THSD4: variants seen among roughly 807,000 people sequenced by gnomAD.
THSD4 encodes thrombospondin type 1 domain containing 4, also known as thrombospondin type-1 domain-containing protein 4.
A neutral mutation model predicts 119.0 loss-of-function variants in THSD4; 69 were observed. The observed-to-expected ratio is 0.58, with a 90% CI of 0.48 to 0.71. The LOEUF (loss-of-function observed/expected upper bound fraction) is 0.71, where lower values mean the gene tolerates loss of function less well. Among genes scored for constraint, THSD4 ranks in the 30% least tolerant of loss-of-function variants. The pLI is 0.00. For missense variants in THSD4, 1,393 were observed against 1,391.1 expected (o/e 1.00, Z -0.02); for synonymous variants, 524 against 540.4 (o/e 0.97, Z 0.42).
At chr15:71,200,965 G>A (rs1317213636) in intron 3 of THSD4, among the ~76,000 whole-genome samples, 1 of 152,150 alleles carries the variant, frequency 6.6e-6, no homozygotes, top group Non-Finnish European at 1.5e-5. Context: ...TGGTGGCTGT[G>A]CTCACTTATA....
chr15:71,483,916 A>G (rs1374650541), intron 7 of THSD4, among the ~76,000 whole-genome samples: 1 of 152,180 alleles, frequency 6.6e-6, no homozygotes, highest in Non-Finnish European at 1.5e-5. Flanking sequence ...GTCCCTGTAA[A>G]GGACACGATC....
intron 7 of THSD4, among the ~76,000 whole-genome samples, chr15:71,633,915 G>A (rs1827319): frequency 7.5e-4 from 114 of 152,270 alleles, no homozygotes; most frequent in African/African-American, 2.7e-3. Flanking sequence ...GGCTGGGCAC[G>A]GTGGCTCATG....
chr15:71,638,132 G>A (rs1280139431), intron 7 of THSD4, among the ~76,000 whole-genome samples: 1 of 152,192 alleles, frequency 6.6e-6, no homozygotes, highest in African/African-American at 2.4e-5. Flanking sequence ...AGTGCAGGAA[G>A]CATCAAGCTT....
chr15:71,155,982 A>G (rs960723436), intron 3 of THSD4, among the ~76,000 whole-genome samples: 1 of 152,160 alleles, frequency 6.6e-6, no homozygotes, highest in Non-Finnish European at 1.5e-5. Flanking sequence ...ACAGTATTGC[A>G]TATGCTTCCC....
At chr15:71,408,113 A>G (rs2046632240) in intron 6 of THSD4, among the ~76,000 whole-genome samples, 1 of 152,156 alleles carries the variant, frequency 6.6e-6, no homozygotes, top group African/African-American at 2.4e-5. Flanking sequence ...AAAACCTGAC[A>G]AAATCTGCTT....
At chr15:71,744,147 C>CTT (rs56158827) in intron 11 of THSD4, among the ~76,000 whole-genome samples, 27 of 102,750 alleles carry the variant, frequency 2.6e-4, no homozygotes, top group African/African-American at 3.8e-4. Context: ...ATTGAATCAG[C>CTT]TTTTTTTTTT....
Position 71,130,893 on chromosome 15 carries a change from C to T in THSD4, c.-79-10556C>T, listed in dbSNP as rs533954963. Among the ~76,000 whole-genome samples the T allele has an allele frequency of 1.6e-4, 25 of 152,190 alleles. No homozygotes were observed. The East Asian group carries it at 3.3e-3, about 20-fold the overall frequency. ...CCGAGTAGCTGGGACTACAGGCGCC[C>T]GCTACCACGCCCGTCTATTTTTTTG... On this transcript the variant is annotated intron_variant, in intron 1 of 17. Coordinates refer to ENST00000261862, the MANE Select transcript of THSD4 (RefSeq NM_024817.3).
rs190060127 is a variant in THSD4, at chr15:71,303,468, C to G, written c.1015+46753C>G. ...AATAATGTGTTATGTGGAACTCAGA[C>G]AAGCCAGTTCTATGGAGAAAGCAGT... is the stretch of plus-strand genomic sequence containing the variant. On this transcript the variant is annotated intron_variant, in intron 6 of 17. Transcript: ENST00000261862. Among the ~76,000 whole-genome samples, 38 of 152,360 alleles carry G rather than the reference C, an allele frequency of 2.5e-4. No homozygotes were observed. In the East Asian group the frequency reaches 6.8e-3, roughly 27 times the overall value.
chr15:71,130,670 G>T (rs1022062546), intron 1 of THSD4, among the ~76,000 whole-genome samples: 1 of 152,100 alleles, frequency 6.6e-6, no homozygotes, highest in African/African-American at 2.4e-5. Context: ...TGCTTCATAG[G>T]GTTGTCTTTA....
At chr15:71,744,281 A>T (rs2053292702) in intron 11 of THSD4, among the ~76,000 whole-genome samples, 1 of 151,936 alleles carries the variant, frequency 6.6e-6, no homozygotes, top group Non-Finnish European at 1.5e-5. Context: ...AGTTATAAAC[A>T]TTCATTCAAC....
intron 8 of THSD4, among the ~76,000 whole-genome samples, chr15:71,677,837 T>G (rs2051684588): frequency 6.6e-6 from 1 of 152,214 alleles, no homozygotes; most frequent in South Asian, 2.1e-4. Flanking sequence ...GTCTCAGAAA[T>G]ATGCAAAATG....
intron 6 of THSD4, among the ~76,000 whole-genome samples, chr15:71,368,500 T>C (rs1332567206): frequency 2.6e-5 from 4 of 152,226 alleles, no homozygotes; most frequent in Admixed American, 2.0e-4. Flanking sequence ...GCTTTCCACA[T>C]ATGGCTAGCC....
chr15:71,531,219 C>A (rs1357692337), intron 7 of THSD4, among the ~76,000 whole-genome samples: 2 of 152,200 alleles, frequency 1.3e-5, no homozygotes, highest in East Asian at 3.9e-4. Flanking sequence ...CTAAGGACTT[C>A]TTAAATTCAG....
chr15:71,409,679 C>T (rs1031178636), intron 6 of THSD4, among the ~76,000 whole-genome samples: 6 of 152,134 alleles, frequency 3.9e-5, no homozygotes, highest in African/African-American at 1.4e-4. Context: ...CCAGAGGCTC[C>T]ATGTGATTTC....
chr15:71,777,335 T>C lies in THSD4; in HGVS notation c.3018T>C (p.Arg1006=), dbSNP rs1384254768. Residue 1006 remains arginine, a synonymous_variant, in exon 18 of 18, where the codon CGT becomes CGC. Coordinates refer to ENST00000261862, the MANE Select transcript of THSD4 (RefSeq NM_024817.3). ...CCGCCTGCTGTGCCTCCTGCACCCG[T>C]GTGGCCAACAGGCAGACGGGCTTCC... ...YKTACCASCT[R]VANRQTGFLG... 6.2e-7 allele frequency: 1 copy of C among 1,614,198 alleles called. No homozygotes were observed. Among genetic ancestry groups the C allele is most frequent in the South Asian group, 1.1e-5 (1 of 91,090 alleles).
At chr15:71,599,077 A>G (rs2049959727) in intron 7 of THSD4, among the ~76,000 whole-genome samples, 1 of 152,136 alleles carries the variant, frequency 6.6e-6, no homozygotes, top group African/African-American at 2.4e-5. Context: ...CAGTATTTAA[A>G]GGTAGGACCA....
At chr15:71,659,958 G>A (rs28552093) in intron 7 of THSD4, among the ~76,000 whole-genome samples, 1,941 of 152,128 alleles carry the variant, frequency 0.013, 42 homozygotes, top group African/African-American at 0.044. Flanking sequence ...TCATCCTTCT[G>A]CTCTGGGAAA....
At chr15:71,561,745 C>CAA (rs1326044094) in intron 7 of THSD4, among the ~76,000 whole-genome samples, 1 of 152,166 alleles carries the variant, frequency 6.6e-6, no homozygotes, top group Non-Finnish European at 1.5e-5. Flanking sequence ...GAAGAAAGAG[C>CAA]AAAAACCAGG....
At chr15:71,773,650 C>T (rs1296819532) in intron 17 of THSD4, among the ~76,000 whole-genome samples, 1 of 152,218 alleles carries the variant, frequency 6.6e-6, no homozygotes, top group African/African-American at 2.4e-5. Context: ...TAAAGATGTC[C>T]AGGCCACAAG....
Sources: allele counts gnomAD v4.1 joint callset (sites outside exome capture counted in the v4.1 genomes callset), GRCh38; gene constraint gnomAD v4.1.1; transcripts MANE v1.5; gene names NCBI Gene and HGNC (gene_info 2026-07-23, HGNC 2026-07-21).